PTK2B: variants seen among roughly 807,000 people sequenced by gnomAD.
PTK2B encodes the protein protein tyrosine kinase 2 beta, also known as protein-tyrosine kinase 2-beta.
PTK2B carries 71 observed loss-of-function variants against 142.9 expected under a neutral mutation model. The observed-to-expected ratio is 0.50, with a 90% CI of 0.41 to 0.61. The LOEUF (loss-of-function observed/expected upper bound fraction) is 0.61, where lower values mean the gene tolerates loss of function less well. Ranked by LOEUF, PTK2B falls within the 20% of genes least tolerant of loss-of-function variation. The pLI is 0.00. For missense variants in PTK2B, 1,105 were observed against 1,320.4 expected, an observed-to-expected ratio of 0.84 and a Z score of 2.53; for synonymous variants, 519 against 503.4, an observed-to-expected ratio of 1.03 and a Z score of -0.42.
Position 27,434,121 on chromosome 8 carries a change from G to A in PTK2B, c.1134G>A (p.Gln378=). 1 of 1,614,120 alleles carries A rather than the reference G, an allele frequency of 6.2e-7. No individual in the cohort carries two copies. Among genetic ancestry groups the A allele is most frequent in the Non-Finnish European group, 8.5e-7 (1 of 1,179,994 alleles). Residue 378 remains glutamine, a synonymous_variant, in exon 12 of 31, where the codon CAG becomes CAA. Coordinates refer to ENST00000346049, the MANE Select transcript of PTK2B (RefSeq NM_173176.3). The part of the protein sequence containing the change: ...KDGEKRNSLP[Q]IPMLNLEARR... Reference sequence around the variant, plus strand: ...GTGAGAAGCGGAACAGCCTGCCCCAGATCCCCATGCTGTGAGTACAATGGG... The same window carrying A: ...GTGAGAAGCGGAACAGCCTGCCCCAAATCCCCATGCTGTGAGTACAATGGG...
intron 30 of PTK2B, among the ~76,000 whole-genome samples, chr8:27,456,675 C>A (rs369971534): frequency 3.3e-5 from 5 of 152,188 alleles, no homozygotes; most frequent in African/African-American, 1.2e-4. Flanking sequence ...GTGAGGAAGG[C>A]ATGTTGAAAA....
At chr8:27,451,764 C>G (rs1672145623) in intron 27 of PTK2B, 1 of 1,350,498 alleles carries the variant, frequency 7.4e-7, no homozygotes, top group Admixed American at 3.5e-5. Flanking sequence ...CAGATCATCC[C>G]CCTCCTGCAT....
At chr8:27,318,943 G>A (rs971702696) in intron 3 of PTK2B, among the ~76,000 whole-genome samples, 5 of 151,838 alleles carry the variant, frequency 3.3e-5, no homozygotes, top group Admixed American at 6.6e-5. Flanking sequence ...GAGCCACTGC[G>A]CCTGGCCTTT....
At chr8:27,341,960 G>T (rs1804427845) in intron 1 of PTK2B, among the ~76,000 whole-genome samples, 1 of 152,132 alleles carries the variant, frequency 6.6e-6, no homozygotes, top group African/African-American at 2.4e-5. Flanking sequence ...ACACAGGTAT[G>T]ATCCACCCCA....
intron 1 of PTK2B, among the ~76,000 whole-genome samples, chr8:27,361,478 C>G (rs1435047454): frequency 6.6e-6 from 1 of 152,162 alleles, no homozygotes; most frequent in Non-Finnish European, 1.5e-5. Flanking sequence ...CCCACTTTAG[C>G]CTCCCAAAGT....
rs144762987 is a variant in PTK2B, at chr8:27,376,994, C to A, written c.-37-20554C>A. On this transcript the variant is annotated intron_variant, in intron 1 of 30. Transcript: ENST00000346049. ...TCTCTTGGGGTCTGGATCGGGACCCCTTTCCTATAACATTTTCACTCCTGC... is the reference window on the plus strand; with the variant it reads ...TCTCTTGGGGTCTGGATCGGGACCCATTTCCTATAACATTTTCACTCCTGC... Among the ~76,000 whole-genome samples the A allele has an allele frequency of 3.3e-3, 503 of 152,282 alleles. 4 individuals are homozygous for A. The highest frequency in any genetic ancestry group is 0.01 in the Middle Eastern group (3 of 294).
At chr8:27,385,037 C>T (rs1807258117) in intron 1 of PTK2B, among the ~76,000 whole-genome samples, 1 of 152,218 alleles carries the variant, frequency 6.6e-6, no homozygotes, top group African/African-American at 2.4e-5. Flanking sequence ...GTAGCCCCTT[C>T]TGACTCCACT....
intron 2 of PTK2B, among the ~76,000 whole-genome samples, chr8:27,418,251 A>C (rs528507751): frequency 6.6e-6 from 1 of 152,328 alleles, no homozygotes; most frequent in African/African-American, 2.4e-5. Context: ...AACTCCCTGG[A>C]GTCCAGAAGG....
intron 24 of PTK2B, among the ~76,000 whole-genome samples, 184 bp from the exon 25 acceptor site, chr8:27,450,565 C>G (rs924171571): frequency 1.3e-5 from 2 of 152,094 alleles, no homozygotes; most frequent in Non-Finnish European, 2.9e-5. Flanking sequence ...GATACATGCT[C>G]GGGGCTGATA....
chr8:27,371,016 C>T (rs1806324146), intron 1 of PTK2B, among the ~76,000 whole-genome samples: 1 of 152,116 alleles, frequency 6.6e-6, no homozygotes, highest in Non-Finnish European at 1.5e-5. Context: ...CCACCTCAGC[C>T]TCCCAAGAAG....
At position 27,445,878 on chromosome 8, in the gene PTK2B, C is replaced by T; in HGVS notation, c.2299C>T (p.Pro767Ser). 6.2e-7 allele frequency: 1 copy of T among 1,614,110 alleles called. No individual in the cohort carries two copies. Among genetic ancestry groups the T allele is most frequent in the Non-Finnish European group, 8.5e-7 (1 of 1,180,046 alleles). ...PSPVNSLHTP[P>S]LHRHNVFKRH... ...TCCCGTTAACTCACTGCACACCCCA[C>T]CTCTCCACCGGCACAATGTCTTCAA... The change falls in exon 24 of 31, where the codon CCT (proline) becomes TCT (serine). Residue 767 changes from proline to serine, a missense_variant. Physicochemically the swap from Pro to Ser is moderately conservative, Grantham distance 74. Coordinates refer to ENST00000346049, the MANE Select transcript of PTK2B (RefSeq NM_173176.3).
Position 27,444,229 on chromosome 8 carries a change from C to G in PTK2B, c.2172C>G (p.Pro724=). ...PPKPSRPKYR[P]PPQTNLLAPK... is the part of the protein sequence containing the mutation. Reference sequence around the variant, plus strand: ...AGCCCAGCCGACCTAAGTACAGACCCCCTCCGCAAACCAACCTCCTGGCTC... The same window carrying G: ...AGCCCAGCCGACCTAAGTACAGACCGCCTCCGCAAACCAACCTCCTGGCTC... Residue 724 remains proline (P), a synonymous_variant, in exon 23 of 31, where the codon CCC becomes CCG. Coordinates refer to ENST00000346049, the MANE Select transcript of PTK2B (RefSeq NM_173176.3). The G allele has an allele frequency of 6.2e-7, 1 of 1,613,896 alleles. No homozygotes were observed.
rs755668710 is a variant in PTK2B at position 27,440,396 on chromosome 8, A to G, written c.1994A>G (p.Asp665Gly). The change falls in exon 21 of 31, where the codon GAC (aspartate) becomes GGC (glycine). Residue 665 changes from aspartate to glycine, a missense_variant. By Grantham distance (94) the Asp-to-Gly change is moderately conservative. Transcript: ENST00000346049. ...YTLMTRCWDY[D>G]PSDRPRFTEL... ...CTCATGACCCGCTGCTGGGACTACGACCCCAGTGACCGGCCCCGCTTCACC... is the reference window on the plus strand; with the variant it reads ...CTCATGACCCGCTGCTGGGACTACGGCCCCAGTGACCGGCCCCGCTTCACC... The G allele has an allele frequency of 9.3e-6, 15 of 1,613,772 alleles. No individual in the cohort carries two copies. Among genetic ancestry groups the G allele is most frequent in the Non-Finnish European group, 1.1e-5 (13 of 1,179,978 alleles).
intron 1 of PTK2B, among the ~76,000 whole-genome samples, chr8:27,368,697 C>T (rs1806162432): frequency 6.6e-6 from 1 of 152,190 alleles, no homozygotes; most frequent in South Asian, 2.1e-4. Context: ...CTCCCAGCAA[C>T]ATTGCTTGAA....
chr8:27,446,021 C>T (rs1811451110), intron 24 of PTK2B, 102 bp downstream of exon 24: 6 of 1,494,978 alleles, frequency 4.0e-6, no homozygotes, highest in East Asian at 4.7e-5. Context: ...TCAGGAGGGC[C>T]CTTCCTGTTC....
chr8:27,421,112 C>T (rs1470776340), intron 4 of PTK2B, among the ~76,000 whole-genome samples: 1 of 152,140 alleles, frequency 6.6e-6, no homozygotes, highest in Non-Finnish European at 1.5e-5. Flanking sequence ...ATCTGATAGC[C>T]TGGGGGACCT....
intron 1 of PTK2B, among the ~76,000 whole-genome samples, chr8:27,353,988 G>A (rs1805253651): frequency 6.6e-6 from 1 of 152,160 alleles, no homozygotes; most frequent in South Asian, 2.1e-4. Flanking sequence ...GGAAGCAGCT[G>A]AACTCAGGTG....
chr8:27,437,911 G>A (rs1464610599), intron 18 of PTK2B, 31 bp downstream of exon 18: 2 of 1,560,594 alleles, frequency 1.3e-6, no homozygotes, highest in Admixed American at 1.8e-5. Context: ...CAGCGGTATG[G>A]AAGCCAGGCC....
At chr8:27,370,711 C>G (rs1291189373) in intron 1 of PTK2B, among the ~76,000 whole-genome samples, 3 of 152,210 alleles carry the variant, frequency 2.0e-5, no homozygotes, top group Non-Finnish European at 4.4e-5. Flanking sequence ...TACCCAGGCC[C>G]AAGTGTGGTC....
Sources: gnomAD v4.1 joint callset for allele counts (sites outside exome capture counted in the v4.1 genomes callset) on GRCh38, gnomAD v4.1.1 for gene constraint, MANE v1.5 for transcripts, NCBI Gene and HGNC (gene_info 2026-07-23, HGNC 2026-07-21) for gene names.